The following ABCC3 variants were observed in gnomAD, a reference collection of about 807,000 sequenced individuals.
ABCC3 encodes ATP-binding cassette sub-family C member 3.
ABCC3 carries 121 observed loss-of-function variants against 165.3 expected under a neutral mutation model. That is an observed-to-expected ratio of 0.73 (90% CI 0.63 to 0.85). The LOEUF is 0.85. Ranked by LOEUF, ABCC3 falls within the 40% of genes least tolerant of loss-of-function variation. The probability of loss-of-function intolerance (pLI) is 0.00; values close to 1 mark genes in which losing one functional copy is unlikely to be tolerated. For synonymous variants in ABCC3, 733 were observed against 810.1 expected (o/e 0.90, Z 1.62); for missense variants, 1,869 against 1,964.1 (o/e 0.95, Z 0.92).
intron 19 of ABCC3, among the ~76,000 whole-genome samples, chr17:50,673,980 C>CTTTCTTTCCTTCCTTCCTTCCT (rs1967725765): frequency 2.1e-4 from 2 of 9,412 alleles, no homozygotes; most frequent in Non-Finnish European, 3.6e-4. Context: ...TTCTTTCTTT[C>CTTTCTTTCCTTCCTTCCTTCCT]TCTCTCTCTC....
chr17:50,648,018 G>A (rs1967036650), intron 1 of ABCC3, among the ~76,000 whole-genome samples: 1 of 151,940 alleles, frequency 6.6e-6, no homozygotes, highest in South Asian at 2.1e-4. Context: ...CAGCCTGGGA[G>A]ACAGAGCAAG....
chr17:50,678,452 C>T (rs1567837619), intron 25 of ABCC3, among the ~76,000 whole-genome samples: 1 of 152,210 alleles, frequency 6.6e-6, no homozygotes, highest in African/African-American at 2.4e-5. Context: ...CCCATGTTCT[C>T]ACATTCAGAA....
chr17:50,637,122 C>T (rs1184674861), intron 1 of ABCC3, among the ~76,000 whole-genome samples: 4 of 152,096 alleles, frequency 2.6e-5, no homozygotes, highest in East Asian at 1.9e-4. Flanking sequence ...ATGAAGCCCT[C>T]GTGAGATCTC....
chr17:50,663,546 C>A, intron 8 of ABCC3, 135 bp from the exon 9 acceptor site: 1 of 1,048,184 alleles, frequency 9.5e-7, no homozygotes, highest in Non-Finnish European at 1.4e-6. Context: ...CCTCCCTGGC[C>A]CAAGAGGTTG....
rs200753673 is a variant in ABCC3, at chr17:50,677,777, C to T, written c.3412C>T (p.Arg1138Trp). ...FYAATSRQLKRLESVSRSPIY... is the reference protein window; with the variant it reads ...FYAATSRQLKWLESVSRSPIY... ...TGCAGCCACATCACGGCAACTGAAGCGGCTGGAATCAGTCAGCCGCTCACC... is the reference window on the plus strand; with the variant it reads ...TGCAGCCACATCACGGCAACTGAAGTGGCTGGAATCAGTCAGCCGCTCACC... Residue 1138 changes from arginine to tryptophan, a missense_variant, in exon 24 of 31, where the codon CGG (arginine) becomes TGG (tryptophan). By Grantham distance (101) the Arg-to-Trp change is moderately radical. Transcript: ENST00000285238. 2.4e-5 allele frequency: 38 copies of T among 1,613,964 alleles called. No individual in the cohort carries two copies. Among genetic ancestry groups the T allele is most frequent in the Non-Finnish European group, 2.7e-5 (32 of 1,180,030 alleles).
intron 17 of ABCC3, among the ~76,000 whole-genome samples, chr17:50,670,690 G>A (rs1681292051): frequency 6.6e-6 from 1 of 152,174 alleles, no homozygotes; most frequent in Non-Finnish European, 1.5e-5. Context: ...GGTAGCTTGG[G>A]AAATCCTCAC....
chr17:50,682,885 A>C (rs1234735357), intron 26 of ABCC3, among the ~76,000 whole-genome samples: 1 of 152,102 alleles, frequency 6.6e-6, no homozygotes, highest in East Asian at 1.9e-4. Flanking sequence ...AGGGGGAGTT[A>C]GGGCAGGCAG....
Position 50,691,258 on chromosome 17 carries a change from C to A in ABCC3, c.*58C>A. ...CTGGTTTTCATCAGGAAGGAAATGA[C>A]ACCAAATATGTCCGCAGAATGGACT... On this transcript the variant is annotated 3_prime_UTR_variant, in exon 31 of 31. Transcript: ENST00000285238. 7.4e-7 allele frequency: 1 copy of A among 1,359,874 alleles called. No homozygotes were observed. The highest frequency in any genetic ancestry group is 1.0e-6 in the Non-Finnish European group (1 of 953,202). 84.2% of individuals were successfully genotyped at this position (1,359,874 alleles called of 1,614,324 possible). A position where few individuals can be genotyped will look rare whatever the true frequency, so the allele number is the denominator to read the frequency against.
At chr17:50,663,909 G>A (rs1443271103) in intron 9 of ABCC3, 41 bp from the exon 10 acceptor site, 1 of 1,614,248 alleles carries the variant, frequency 6.2e-7, no homozygotes, top group South Asian at 1.1e-5. Flanking sequence ...CAGCTTGCAA[G>A]AGGCTCGCAG....
chr17:50,658,652 T>C lies in ABCC3; in HGVS notation c.674+156T>C, dbSNP rs531677992. On this transcript the variant is annotated intron_variant, in intron 6 of 30. Coordinates refer to ENST00000285238, the MANE Select transcript of ABCC3 (RefSeq NM_003786.4). ...AGGGCAGATGAGGGTAGGGAAGTGG[T>C]CTGGGAGGGGGACCAAATGCAGAGG... 2.7e-5 allele frequency: 22 copies of C among 829,098 alleles called. No homozygotes were observed. The Admixed American group carries it at 2.9e-4, about 11-fold the overall frequency. 51.4% of individuals were successfully genotyped at this position (829,098 alleles called of 1,614,324 possible). A position where few individuals can be genotyped will look rare whatever the true frequency, so the allele number is the denominator to read the frequency against.
intron 18 of ABCC3, 101 bp from the exon 19 acceptor site, chr17:50,673,368 C>T (rs1455846814): frequency 1.0e-5 from 15 of 1,468,690 alleles, no homozygotes; most frequent in Non-Finnish European, 1.4e-5. Context: ...TCCAAGCTCC[C>T]TGGCACATGG....
chr17:50,665,801 G>T (rs1482982678), intron 11 of ABCC3, among the ~76,000 whole-genome samples: 1 of 150,836 alleles, frequency 6.6e-6, no homozygotes, highest in Non-Finnish European at 1.5e-5. Context: ...TAGTAGAGAT[G>T]GGGTTTCACC....
chr17:50,653,666 T>C (rs1009948650), intron 1 of ABCC3, among the ~76,000 whole-genome samples: 24 of 151,174 alleles, frequency 1.6e-4, no homozygotes. Flanking sequence ...GGCAGGAGAA[T>C]GGCTTGAACC....
At position 50,657,091 on chromosome 17, in the gene ABCC3, C is replaced by T. The variant is rs201830141; in HGVS notation, c.394C>T (p.Gln132Ter). 48 of 1,614,168 alleles carry T rather than the reference C, an allele frequency of 3.0e-5. No individual in the cohort carries two copies. In the African/African-American group the frequency reaches 5.7e-4, roughly 19 times the overall value. ...LIQYERLQGV[Q>*]SSGVLIIFWF... ...ACAGTATGAGCGGCTGCAGGGCGTA[C>T]AGTCTTCGGGGGTCCTCATTATCTT... Residue 132 changes from glutamine to a stop codon, truncating the protein, a stop_gained, in exon 4 of 31, where the codon CAG becomes TAG. Coordinates refer to ENST00000285238, the MANE Select transcript of ABCC3 (RefSeq NM_003786.4). LOFTEE classifies it high-confidence loss of function.
Position 50,679,636 on chromosome 17 carries a change from G to A in ABCC3, c.3706-162G>A, listed in dbSNP as rs924311419. On this transcript the variant is annotated intron_variant, in intron 25 of 30. Coordinates refer to ENST00000285238, the MANE Select transcript of ABCC3 (RefSeq NM_003786.4). ...CCCAAGGGAGTCATTCGTGATTACA[G>A]CCCCAGCTGGCATGCCTGTGGGCTT... The A allele has an allele frequency of 8.2e-6, 5 of 612,754 alleles. No individual in the cohort carries two copies. The Admixed American group carries it at 8.7e-5, about 11-fold the overall frequency. 38.0% of individuals were successfully genotyped at this position (612,754 alleles called of 1,614,324 possible).
intron 23 of ABCC3, among the ~76,000 whole-genome samples, chr17:50,676,800 C>T (rs544187805): frequency 8.6e-5 from 13 of 152,016 alleles, no homozygotes; most frequent in Non-Finnish European, 1.8e-4. Flanking sequence ...ACTCATAGAC[C>T]TTCCTCATGG....
At position 50,676,584 on chromosome 17, in the gene ABCC3, T is replaced by C. The variant is rs748745615; in HGVS notation, c.3374T>C (p.Val1125Ala). The C allele has an allele frequency of 6.5e-7, 1 of 1,533,992 alleles. No individual in the cohort carries two copies. The highest frequency in any genetic ancestry group is 2.6e-5 in the East Asian group (1 of 37,852). Reference sequence around the variant, plus strand: ...CCCCTGGCTGTGCTCTACACCTTAGTGCAGGTGTGGGGTGGGCGTGATTCC... The same window carrying C: ...CCCCTGGCTGTGCTCTACACCTTAGCGCAGGTGTGGGGTGGGCGTGATTCC... Reference protein sequence around the residue: ...ILPLAVLYTLVQRFYAATSRQ... With the variant: ...ILPLAVLYTLAQRFYAATSRQ... The change falls in exon 23 of 31, where the codon GTG becomes GCG. Residue 1125 changes from valine (V) to alanine (A), a missense_variant. Coordinates refer to ENST00000285238, the MANE Select transcript of ABCC3 (RefSeq NM_003786.4).
At chr17:50,669,550 C>T (rs1967601026) in intron 17 of ABCC3, 22 bp downstream of exon 17, 2 of 1,611,652 alleles carry the variant, frequency 1.2e-6, no homozygotes, top group African/African-American at 1.3e-5. Flanking sequence ...TCTTCCATCC[C>T]TAAGAGGCTA....
chr17:50,675,380 A>ATC lies in ABCC3; in HGVS notation c.2619_2620insCT (p.Lys874LeufsTer6). 1.2e-6 allele frequency: 2 copies of ATC among 1,613,468 alleles called. No individual in the cohort carries two copies. The highest frequency in any genetic ancestry group is 1.7e-4 in the Middle Eastern group (1 of 6,056). On this transcript the variant is annotated frameshift_variant, in exon 20 of 31. Coordinates refer to ENST00000285238, the MANE Select transcript of ABCC3 (RefSeq NM_003786.4). LOFTEE classifies it high-confidence loss of function. Reference sequence around the variant, plus strand: ...ACTGCAGCGTTGGAAGGTGCAGAGGATAAGGAGGCACTGCTGATTGAAGAC... The same window carrying ATC: ...ACTGCAGCGTTGGAAGGTGCAGAGGATCTAAGGAGGCACTGCTGATTGAAGAC...
Sources: gnomAD v4.1 joint callset for allele counts (sites outside exome capture counted in the v4.1 genomes callset) on GRCh38, gnomAD v4.1.1 for gene constraint, MANE v1.5 for transcripts, NCBI Gene and HGNC (gene_info 2026-07-23, HGNC 2026-07-21) for gene names.